PRKN: variants seen among roughly 807,000 people sequenced by gnomAD.
PRKN encodes the protein parkin RBR E3 ubiquitin protein ligase, also known as E3 ubiquitin-protein ligase parkin.
A neutral mutation model predicts 59.5 loss-of-function variants in PRKN; 56 were observed. The ratio of observed to expected loss-of-function variants is 0.94; its 90% CI spans 0.76 to 1.18. The LOEUF (loss-of-function observed/expected upper bound fraction) is 1.18, where lower values mean the gene tolerates loss of function less well. PRKN is among the 50% of genes most tolerant of loss of function. PRKN has a pLI of 0.00. For missense variants in PRKN, 657 were observed against 596.4 expected, an observed-to-expected ratio of 1.10 and a Z score of -1.06; for synonymous variants, 250 against 222.1, an observed-to-expected ratio of 1.13 and a Z score of -1.12.
At chr6:161,849,187 T>G (rs1178541970) in intron 6 of PRKN, among the ~76,000 whole-genome samples, 2 of 152,232 alleles carry the variant, frequency 1.3e-5, no homozygotes, top group Non-Finnish European at 1.5e-5. Context: ...TTTCAGTTTG[T>G]TCCTCTGGGT....
At chr6:162,558,722 T>C (rs2128205735) in intron 1 of PRKN, among the ~76,000 whole-genome samples, 1 of 152,084 alleles carries the variant, frequency 6.6e-6, no homozygotes, top group East Asian at 1.9e-4. Context: ...CATCACAGTC[T>C]CTGCCTCCAA....
chr6:161,699,288 C>T (rs2128178369), intron 7 of PRKN, among the ~76,000 whole-genome samples: 1 of 152,268 alleles, frequency 6.6e-6, no homozygotes, highest in South Asian at 2.1e-4. Flanking sequence ...GGTACAACCA[C>T]TTTGGAAAAT....
intron 7 of PRKN, among the ~76,000 whole-genome samples, chr6:161,638,299 A>T (rs931661385): frequency 6.6e-6 from 1 of 151,326 alleles, no homozygotes; most frequent in African/African-American, 2.5e-5. Flanking sequence ...TGCCAGGCTA[A>T]ATTTTTTTGT....
intron 7 of PRKN, among the ~76,000 whole-genome samples, chr6:161,686,739 A>G (rs1054488874): frequency 1.3e-5 from 2 of 152,210 alleles, no homozygotes; most frequent in East Asian, 3.9e-4. Context: ...TATCTTTGCT[A>G]GTTTTGTTCC....
At chr6:161,991,499 G>C (rs1781644293) in intron 5 of PRKN, among the ~76,000 whole-genome samples, 1 of 152,154 alleles carries the variant, frequency 6.6e-6, no homozygotes, top group Admixed American at 6.6e-5. Context: ...AATGTAAATG[G>C]ATTAATTTCC....
At chr6:161,805,832 T>C (rs1257523573) in intron 6 of PRKN, among the ~76,000 whole-genome samples, 1 of 152,100 alleles carries the variant, frequency 6.6e-6, no homozygotes, top group Non-Finnish European at 1.5e-5. Context: ...AGCTCCACCT[T>C]GAATAGATGC....
intron 3 of PRKN, among the ~76,000 whole-genome samples, chr6:162,220,469 A>T (rs1777878071): frequency 6.6e-6 from 1 of 152,188 alleles, no homozygotes; most frequent in Non-Finnish European, 1.5e-5. Context: ...AATTTTCAAC[A>T]TAAACGTAAA....
At chr6:161,620,859 A>G (rs1433523651) in intron 7 of PRKN, among the ~76,000 whole-genome samples, 1 of 152,152 alleles carries the variant, frequency 6.6e-6, no homozygotes, top group Non-Finnish European at 1.5e-5. Flanking sequence ...AAGTTTCCCC[A>G]TCTTTTTCTT....
At chr6:162,504,054 G>C (rs1298166848) in intron 1 of PRKN, among the ~76,000 whole-genome samples, 1 of 145,440 alleles carries the variant, frequency 6.9e-6, no homozygotes, top group African/African-American at 2.5e-5. Flanking sequence ...ACTGGAAAGA[G>C]AGACAGAGAG....
chr6:161,773,723 TG>T (rs1789793304), intron 7 of PRKN, among the ~76,000 whole-genome samples: 1 of 152,194 alleles, frequency 6.6e-6, no homozygotes, highest in Non-Finnish European at 1.5e-5. Context: ...CAGAAATGGG[TG>T]GAAAAAATTA....
intron 6 of PRKN, among the ~76,000 whole-genome samples, chr6:161,876,877 T>C (rs1269564280): frequency 2.6e-5 from 4 of 152,160 alleles, no homozygotes; most frequent in East Asian, 1.9e-4. Flanking sequence ...CTGGAAACCA[T>C]TGAAATCTTT....
chr6:161,640,298 C>T (rs1425494334), intron 7 of PRKN, among the ~76,000 whole-genome samples: 2 of 152,172 alleles, frequency 1.3e-5, no homozygotes, highest in Non-Finnish European at 2.9e-5. Context: ...GTCTTAAAAA[C>T]TTGCTTTTCA....
intron 4 of PRKN, among the ~76,000 whole-genome samples, chr6:162,132,689 C>T (rs545048174): frequency 9.9e-5 from 15 of 152,044 alleles, no homozygotes; most frequent in South Asian, 2.1e-4. Context: ...GGTCTGGTGT[C>T]AGGGGTAAAG....
rs573024324 is a variant in PRKN, at chr6:162,030,565, C to T, written c.618+23526G>A. Reference sequence around the variant, plus strand: ...TCCTCCAACCTTCATGGTTTAAGGCCTTTCCAGCACTTGCCAAAACCCTTC... The same window carrying T: ...TCCTCCAACCTTCATGGTTTAAGGCTTTTCCAGCACTTGCCAAAACCCTTC... On this transcript the variant is annotated intron_variant, in intron 5 of 11. Coordinates refer to ENST00000366898, the MANE Select transcript of PRKN (RefSeq NM_004562.3). 3.3e-5 allele frequency among the ~76,000 whole-genome samples: 5 copies of T among 152,282 alleles called. No homozygotes were observed. In the South Asian group the frequency reaches 1.0e-3, roughly 32 times the overall value.
At chr6:161,791,759 GAT>G (rs1790647462) in intron 6 of PRKN, among the ~76,000 whole-genome samples, 1 of 152,212 alleles carries the variant, frequency 6.6e-6, no homozygotes, top group African/African-American at 2.4e-5. Context: ...ATGTTAGAGA[GAT>G]AGGATATATT....
At chr6:162,685,868 T>C (rs1353484765) in intron 1 of PRKN, among the ~76,000 whole-genome samples, 1 of 152,124 alleles carries the variant, frequency 6.6e-6, no homozygotes, top group East Asian at 1.9e-4. Flanking sequence ...ATGTCAAGTG[T>C]GAAGGTCAGT....
intron 4 of PRKN, among the ~76,000 whole-genome samples, chr6:162,118,621 G>C (rs1780777203): frequency 6.6e-6 from 1 of 152,180 alleles, no homozygotes; most frequent in African/African-American, 2.4e-5. Flanking sequence ...AATGCCCAAT[G>C]ATGAGTTAAT....
intron 3 of PRKN, among the ~76,000 whole-genome samples, chr6:162,257,387 CAATT>C: frequency 6.6e-6 from 1 of 152,138 alleles, no homozygotes; most frequent in South Asian, 2.1e-4. Flanking sequence ...TGGCTGAAAT[CAATT>C]AACATGACTC....
intron 2 of PRKN, among the ~76,000 whole-genome samples, chr6:162,386,153 G>T (rs892474654): frequency 2.0e-5 from 3 of 152,020 alleles, no homozygotes; most frequent in African/African-American, 7.2e-5. Context: ...GCATGCATGG[G>T]GACTACAGTT....
Sources: gnomAD v4.1 joint callset for allele counts (sites outside exome capture counted in the v4.1 genomes callset) on GRCh38, gnomAD v4.1.1 for gene constraint, MANE v1.5 for transcripts, NCBI Gene and HGNC (gene_info 2026-07-23, HGNC 2026-07-21) for gene names.